Variants in RRM2 observed in about 807,000 individuals in gnomAD.
RRM2 encodes ribonucleotide reductase regulatory subunit M2, also known as ribonucleoside-diphosphate reductase subunit M2.
A neutral mutation model predicts 45.9 loss-of-function variants in RRM2; 6 were observed. The ratio of observed to expected loss-of-function variants is 0.13; its 90% CI spans 0.07 to 0.26. RRM2 has a LOEUF of 0.26. Ranked by LOEUF, RRM2 falls within the 10% of genes least tolerant of loss-of-function variation. RRM2 has a pLI of 1.00. For synonymous variants in RRM2, 177 were observed against 173.0 expected (o/e 1.02, Z -0.18); for missense variants, 343 against 489.5 (o/e 0.70, Z 2.82).
upstream of RRM2, among the ~76,000 whole-genome samples, chr2:10,137,206 C>T (rs1663002906): frequency 6.6e-6 from 1 of 152,134 alleles, no homozygotes; most frequent in Non-Finnish European, 1.5e-5. Flanking sequence ...GGCCATGTGC[C>T]TCACAGAGGA....
At chr2:10,143,657 C>T (rs1445296486) in intron 3 of RRM2, among the ~76,000 whole-genome samples, 3 of 152,114 alleles carry the variant, frequency 2.0e-5, no homozygotes, top group Admixed American at 2.0e-4. Flanking sequence ...ATCAGTGGGG[C>T]TCGCTACCTC....
chr2:10,137,418 C>T (rs1663008953), upstream of RRM2, among the ~76,000 whole-genome samples: 1 of 152,236 alleles, frequency 6.6e-6, no homozygotes, highest in Admixed American at 6.5e-5. Context: ...CCTGCCCTTC[C>T]TCCCTGGTCA....
rs755425319 is a variant in RRM2 at position 10,122,767 on chromosome 2, G to C, written c.-32G>C. ...CACCCTGTCCCAGCCGTCCTGTCCTGGCTGCTCGCTCTGCTTCGCTGCGCC... is the reference window on the plus strand; with the variant it reads ...CACCCTGTCCCAGCCGTCCTGTCCTCGCTGCTCGCTCTGCTTCGCTGCGCC... On this transcript the variant is annotated 5_prime_UTR_variant, in exon 1 of 10. Coordinates refer to ENST00000304567, the MANE Select transcript of RRM2 (RefSeq NM_001034.4). 1.3e-6 allele frequency: 2 copies of C among 1,564,400 alleles called. No homozygotes were observed. Among genetic ancestry groups the C allele is most frequent in the Non-Finnish European group, 1.7e-6 (2 of 1,154,950 alleles).
At chr2:10,128,286 T>C (rs1406097204) in intron 7 of RRM2, among the ~76,000 whole-genome samples, 1 of 152,244 alleles carries the variant, frequency 6.6e-6, no homozygotes, top group Non-Finnish European at 1.5e-5. Context: ...TTTGATTAAG[T>C]CACATTTGAA....
At chr2:10,194,597 G>T (rs562509161) in intron 3 of RRM2, among the ~76,000 whole-genome samples, 2 of 152,356 alleles carry the variant, frequency 1.3e-5, no homozygotes, top group African/African-American at 4.8e-5. Flanking sequence ...CCCAACCACC[G>T]GTGGGCCCCG....
chr2:10,166,400 C>T (rs566197448), intron 3 of RRM2, among the ~76,000 whole-genome samples: 3 of 152,290 alleles, frequency 2.0e-5, no homozygotes, highest in Non-Finnish European at 2.9e-5. Context: ...TTAGGTCAGC[C>T]GACTGGCTTC....
intron 3 of RRM2, among the ~76,000 whole-genome samples, chr2:10,188,510 AG>A (rs1664217888): frequency 6.6e-6 from 1 of 152,172 alleles, no homozygotes; most frequent in Non-Finnish European, 1.5e-5. Flanking sequence ...TCCCACCCTT[AG>A]GACCTCATTT....
chr2:10,200,856 C>T (rs946039182), intron 3 of RRM2, among the ~76,000 whole-genome samples: 1 of 152,158 alleles, frequency 6.6e-6, no homozygotes, highest in Non-Finnish European at 1.5e-5. Context: ...TAAAAGAAAA[C>T]AGACTTTTGG....
At chr2:10,210,544 C>T (rs1372593692) in exon 4 of RRM2, 2 of 1,366,832 alleles carry the variant, frequency 1.5e-6, no homozygotes, top group Non-Finnish European at 2.0e-6. Context: ...GGACTCCACA[C>T]AGGCCTGCGG....
chr2:10,164,518 G>C (rs867102151), intron 3 of RRM2, among the ~76,000 whole-genome samples: 2 of 152,322 alleles, frequency 1.3e-5, no homozygotes, highest in African/African-American at 4.8e-5. Flanking sequence ...GGAGCACACA[G>C]GGCTCGGGTG....
rs575816741 is a variant in RRM2, at chr2:10,172,017, C to T, written n.482+29642C>T. ...GCAGAGGAGCCCTGCTAGTCCAGGC[C>T]GGGCCAGCGCCCAAGGATGAGGGGA... On this transcript the variant is annotated intron_variant and non_coding_transcript_variant, in intron 3 of 3. Transcript: ENST00000381786. This position sits in a 1 kb window ranked among gnomAD's most constrained non-coding sequence, Gnocchi z 4.9. Among the ~76,000 whole-genome samples the T allele has an allele frequency of 3.9e-5, 6 of 152,286 alleles. No individual in the cohort carries two copies. Among genetic ancestry groups the T allele is most frequent in the Admixed American group, 1.3e-4 (2 of 15,306 alleles).
intron 3 of RRM2, among the ~76,000 whole-genome samples, chr2:10,154,541 TG>T (rs1370349199): frequency 6.7e-6 from 1 of 149,342 alleles, no homozygotes; most frequent in Non-Finnish European, 1.5e-5. Flanking sequence ...TGAGGTTGCA[TG>T]GTCAATATCC....
At chr2:10,140,918 G>A (rs1280443126), upstream of RRM2, among the ~76,000 whole-genome samples, 1 of 152,186 alleles carries the variant, frequency 6.6e-6, no homozygotes, top group Non-Finnish European at 1.5e-5. Flanking sequence ...TGGGTCTCAG[G>A]TGGGCTTTAG....
chr2:10,210,949 G>C, exon 4 of RRM2: 1 of 205,160 alleles, frequency 4.9e-6, no homozygotes, highest in South Asian at 8.3e-5. Context: ...CCGGCACCTT[G>C]CTGTGAGATT....
At chr2:10,150,787 T>TTTTTTTTC (rs1553324049) in intron 3 of RRM2, among the ~76,000 whole-genome samples, 2 of 148,050 alleles carry the variant, frequency 1.4e-5, no homozygotes, top group Non-Finnish European at 3.0e-5. Context: ...TTTTTTTTTT[T>TTTTTTTTC]TTTGATGTGG....
At chr2:10,141,662 C>T (rs768678697) in intron 1 of RRM2, 41 of 715,720 alleles carry the variant, frequency 5.7e-5, no homozygotes, top group Admixed American at 4.7e-4. Context: ...CTCTGGGAAG[C>T]GGGGAGGCAG....
intron 3 of RRM2, among the ~76,000 whole-genome samples, chr2:10,200,429 C>CTG (rs1424999051): frequency 4.4e-5 from 6 of 137,680 alleles, no homozygotes; most frequent in Non-Finnish European, 7.9e-5. Context: ...CCCACAGGGA[C>CTG]CGCGCGCGCA....
rs770484806 is a variant in RRM2, at chr2:10,128,896, A to C, written c.847A>C (p.Lys283Gln). The stretch of plus-strand genomic sequence containing the variant: ...CCTGATGTTCAAACACCTGGTACAC[A>C]AACCATCGGAGGAGAGAGTAAGAGA... ...ACLMFKHLVH[K>Q]PSEERVREII... Residue 283 changes from lysine to glutamine, a missense_variant, in exon 8 of 10, where the codon AAA (lysine) becomes CAA (glutamine). Coordinates refer to ENST00000304567, the MANE Select transcript of RRM2 (RefSeq NM_001034.4). 2.5e-6 allele frequency: 4 copies of C among 1,614,018 alleles called. No homozygotes were observed. In the African/African-American group the frequency reaches 5.3e-5, roughly 22 times the overall value.
intron 3 of RRM2, among the ~76,000 whole-genome samples, chr2:10,163,451 C>T (rs946459071): frequency 5.9e-5 from 9 of 152,124 alleles, no homozygotes; most frequent in Non-Finnish European, 8.8e-5. Context: ...AGGCCAGGTC[C>T]GACAGCAAGC....
Sources: gnomAD v4.1 joint callset for allele counts (sites outside exome capture counted in the v4.1 genomes callset) on GRCh38, gnomAD v4.1.1 for gene constraint, Gnocchi (gnomAD v3.1) non-coding constraint, MANE v1.5 for transcripts, NCBI Gene and HGNC (gene_info 2026-07-23, HGNC 2026-07-21) for gene names.